GALNT1: variants seen among roughly 807,000 people sequenced by gnomAD.
GALNT1 encodes GalNAc transferase 1.
In GALNT1, 17 loss-of-function variants were observed where a neutral mutation model predicts 65.7. The ratio of observed to expected loss-of-function variants is 0.26; its 90% confidence interval spans 0.18 to 0.39. The LOEUF (loss-of-function observed/expected upper bound fraction) is 0.39. Among genes scored for constraint, GALNT1 ranks in the 10% least tolerant of loss-of-function variants. The pLI is 1.00. For synonymous variants in GALNT1, 210 were observed against 219.7 expected (o/e 0.96, Z 0.39); for missense variants, 460 against 672.8 (o/e 0.68, Z 3.50).
rs1463710583 is a variant in GALNT1, at chr18:35,709,780, T to G, written c.*10T>G. 6.2e-7 allele frequency: 1 copy of G among 1,613,006 alleles called. No individual in the cohort carries two copies. The highest frequency in any genetic ancestry group is 1.3e-5 in the African/African-American group (1 of 74,738). The stretch of plus-strand genomic sequence containing the variant: ...GCCAGAAATATTCTGAGACCAAATT[T>G]ACAAAAAAACGAAAAAAATAAGGAT... On this transcript the variant is annotated 3_prime_UTR_variant, in exon 12 of 12. Transcript: ENST00000269195.
intron 1 of GALNT1, among the ~76,000 whole-genome samples, chr18:35,634,539 C>A (rs2047064224): frequency 6.6e-6 from 1 of 152,118 alleles, no homozygotes; most frequent in Non-Finnish European, 1.5e-5. Flanking sequence ...AGTCCTCTCC[C>A]TATGGAGTCA....
intron 1 of GALNT1, among the ~76,000 whole-genome samples, chr18:35,652,370 A>AG (rs1339257633): frequency 6.6e-6 from 1 of 152,122 alleles, no homozygotes; most frequent in Non-Finnish European, 1.5e-5. Context: ...CCTCTCTCAG[A>AG]GGGGTCTGTT....
intron 3 of GALNT1, among the ~76,000 whole-genome samples, chr18:35,674,982 CAAAAAAAAAAAAAAA>C (rs150477892): frequency 2.6e-4 from 8 of 30,330 alleles, no homozygotes; most frequent in African/African-American, 6.9e-4. Context: ...GACTCCGTCT[CAAAAAAAAAAAAAAA>C]AAAAAAAAAA....
At chr18:35,672,939 A>C (rs1345181501) in intron 3 of GALNT1, among the ~76,000 whole-genome samples, 1 of 152,206 alleles carries the variant, frequency 6.6e-6, no homozygotes, top group Non-Finnish European at 1.5e-5. Flanking sequence ...TAGGGAAATT[A>C]AATGATTTGT....
intron 1 of GALNT1, among the ~76,000 whole-genome samples, chr18:35,619,754 G>A (rs1417127900): frequency 6.6e-6 from 1 of 152,154 alleles, no homozygotes; most frequent in Non-Finnish European, 1.5e-5. Context: ...TATCCACTCT[G>A]GTGGGCCACC....
intron 1 of GALNT1, among the ~76,000 whole-genome samples, chr18:35,622,868 G>A (rs531461080): frequency 5.7e-4 from 86 of 152,002 alleles, no homozygotes; most frequent in African/African-American, 2.0e-3. Flanking sequence ...GATATCTTTT[G>A]TTAGGTTAAC....
chr18:35,637,389 C>T (rs1241665023), intron 1 of GALNT1, among the ~76,000 whole-genome samples: 1 of 152,202 alleles, frequency 6.6e-6, no homozygotes, highest in East Asian at 1.9e-4. Context: ...AGTGAACACA[C>T]AAATGATAAG....
chr18:35,658,063 C>T (rs1457813417), intron 2 of GALNT1, among the ~76,000 whole-genome samples: 1 of 152,064 alleles, frequency 6.6e-6, no homozygotes, highest in Non-Finnish European at 1.5e-5. Context: ...CCACTAGTGG[C>T]ATAAGTTTCA....
intron 2 of GALNT1, among the ~76,000 whole-genome samples, chr18:35,655,619 T>G (rs2047374237): frequency 6.6e-6 from 1 of 151,826 alleles, no homozygotes; most frequent in Admixed American, 6.6e-5. Context: ...TATACAGCAG[T>G]TCTACTATTT....
intron 5 of GALNT1, among the ~76,000 whole-genome samples, chr18:35,686,754 A>G (rs2047873654): frequency 6.6e-6 from 1 of 152,154 alleles, no homozygotes; most frequent in East Asian, 1.9e-4. Flanking sequence ...AATTTTTTTA[A>G]TTAGTTGAGT....
chr18:35,603,974 A>G (rs2046613833), intron 1 of GALNT1, among the ~76,000 whole-genome samples: 1 of 152,046 alleles, frequency 6.6e-6, no homozygotes, highest in Non-Finnish European at 1.5e-5. Context: ...GGTTTGTTAC[A>G]TGGGTATATT....
At chr18:35,703,731 T>G in intron 11 of GALNT1, 88 bp downstream of exon 11, 2 of 1,328,606 alleles carry the variant, frequency 1.5e-6, no homozygotes, top group Non-Finnish European at 2.0e-6. Flanking sequence ...TGAGTTCTTG[T>G]GGACCTTGAA....
intron 9 of GALNT1, among the ~76,000 whole-genome samples, chr18:35,700,731 C>T (rs1212392295): frequency 6.6e-6 from 1 of 152,206 alleles, no homozygotes; most frequent in African/African-American, 2.4e-5. Context: ...GATCCTCCTG[C>T]CTCGGCCTCC....
chr18:35,601,158 A>G (rs2046576538), intron 1 of GALNT1, among the ~76,000 whole-genome samples: 1 of 151,804 alleles, frequency 6.6e-6, no homozygotes, highest in Non-Finnish European at 1.5e-5. Flanking sequence ...CTATTTCTTT[A>G]TGTTTTAATT....
At chr18:35,640,073 C>T (rs2047141701) in intron 1 of GALNT1, among the ~76,000 whole-genome samples, 1 of 152,202 alleles carries the variant, frequency 6.6e-6, no homozygotes, top group Admixed American at 6.5e-5. Flanking sequence ...GCTAGGATTA[C>T]AGGTGTGAGC....
At chr18:35,635,266 A>G (rs1009070049) in intron 1 of GALNT1, among the ~76,000 whole-genome samples, 6 of 152,204 alleles carry the variant, frequency 3.9e-5, no homozygotes, top group Admixed American at 2.0e-4. Flanking sequence ...GAAGCACACA[A>G]GTGTTACAGT....
intron 4 of GALNT1, among the ~76,000 whole-genome samples, chr18:35,680,065 A>G (rs1187176925): frequency 1.1e-4 from 16 of 152,092 alleles, no homozygotes; most frequent in Admixed American, 1.0e-3. Context: ...GGCCTGTATG[A>G]CCTGGCCCCA....
chr18:35,634,291 G>A (rs2047061181), intron 1 of GALNT1, among the ~76,000 whole-genome samples: 1 of 152,160 alleles, frequency 6.6e-6, no homozygotes, highest in African/African-American at 2.4e-5. Context: ...ACTCATAAGT[G>A]TTGCTGCAAC....
intron 1 of GALNT1, chr18:35,596,656 A>G (rs74984138): frequency 1.3e-5 from 2 of 152,208 alleles, no homozygotes; most frequent in East Asian, 3.9e-4. Flanking sequence ...TTCACCGGGC[A>G]GAAATTTCAG....
Sources: gnomAD v4.1 joint callset for allele counts (sites outside exome capture counted in the v4.1 genomes callset) on GRCh38, gnomAD v4.1.1 for gene constraint, MANE v1.5 for transcripts, NCBI Gene and HGNC (gene_info 2026-07-23, HGNC 2026-07-21) for gene names.